CSNK1G2: variants seen among roughly 807,000 people sequenced by gnomAD.
The protein encoded by CSNK1G2 is casein kinase 1 gamma 2, also known as casein kinase I isoform gamma-2.
CSNK1G2 carries 11 observed loss-of-function variants against 48.0 expected under a neutral mutation model. That is an observed-to-expected ratio of 0.23 (90% confidence interval 0.14 to 0.38). The LOEUF is 0.38. Ranked by LOEUF, CSNK1G2 falls within the 10% of genes least tolerant of loss-of-function variation. CSNK1G2 has a pLI of 1.00. For missense variants in CSNK1G2, 446 were observed against 595.5 expected (o/e 0.75, Z 2.61); for synonymous variants, 337 against 254.1 (o/e 1.33, Z -3.10).
intron 1 of CSNK1G2, among the ~76,000 whole-genome samples, chr19:1,955,513 AGGGTGAGGCTCCGCG>A (rs2014956826): frequency 6.8e-6 from 1 of 146,736 alleles, no homozygotes; most frequent in African/African-American, 2.7e-5. Context: ...GGCGTGTGCC[AGGGTGAGGCTCCGCG>A]GGGTGGGCGT....
chr19:1,953,525 G>T (rs766902295), intron 1 of CSNK1G2: 1 of 529,076 alleles, frequency 1.9e-6, no homozygotes, highest in Non-Finnish European at 3.9e-6. Context: ...TGGGAAAATT[G>T]CCCCTATGTG....
At chr19:1,965,411 A>G (rs2015336631) in intron 1 of CSNK1G2, among the ~76,000 whole-genome samples, 1 of 151,214 alleles carries the variant, frequency 6.6e-6, no homozygotes, top group African/African-American at 2.4e-5. Flanking sequence ...CATTGTTTCC[A>G]TCCCTGCTAG....
Position 1,943,724 on chromosome 19 carries a change from A to G in CSNK1G2, c.-266+2306A>G, listed in dbSNP as rs144692614. 5.7e-3 allele frequency among the ~76,000 whole-genome samples: 872 copies of G among 152,300 alleles called. 4 individuals carry two copies. Among genetic ancestry groups the G allele is most frequent in the Middle Eastern group, 0.031 (9 of 294 alleles). ...TCCGCAGAGCCACTGGGACGGACGG[A>G]AGCTGAGCTTAGGGACAGCCGGAGT... On this transcript the variant is annotated intron_variant, in intron 1 of 11. Coordinates refer to ENST00000255641, the MANE Select transcript of CSNK1G2 (RefSeq NM_001319.7).
intron 1 of CSNK1G2, among the ~76,000 whole-genome samples, chr19:1,950,217 G>T (rs927000024): frequency 2.6e-5 from 4 of 152,106 alleles, no homozygotes; most frequent in Non-Finnish European, 5.9e-5. Context: ...TCTGCTCACT[G>T]CAAGCTCTGC....
Position 1,979,955 on chromosome 19 carries a change from G to A in CSNK1G2, c.1131G>A (p.Thr377=), listed in dbSNP as rs1355676500. ...TNGELNADDP[T]AGHSNAPITA... ...GGGAGCTGAATGCGGACGACCCCAC[G>A]GCCGGCCACTCCAACGCCCCGATCA... The change falls in exon 11 of 12, where the codon ACG becomes ACA. Residue 377 remains threonine, a synonymous_variant. Coordinates refer to ENST00000255641, the MANE Select transcript of CSNK1G2 (RefSeq NM_001319.7). 3.8e-6 allele frequency: 6 copies of A among 1,598,116 alleles called. No individual in the cohort carries two copies. The highest frequency in any genetic ancestry group is 3.4e-5 in the Admixed American group (2 of 58,578).
intron 1 of CSNK1G2, among the ~76,000 whole-genome samples, chr19:1,949,421 G>A (rs115324356): frequency 0.013 from 2,053 of 152,360 alleles, 13 homozygotes; most frequent in Middle Eastern, 0.027. Flanking sequence ...TGTGTTTGGC[G>A]TCTCTCACTG....
At chr19:1,948,786 G>A (rs1269272285) in intron 1 of CSNK1G2, among the ~76,000 whole-genome samples, 1 of 152,188 alleles carries the variant, frequency 6.6e-6, no homozygotes, top group Non-Finnish European at 1.5e-5. Flanking sequence ...TCCTCCAGAT[G>A]CCGCTGCCGA....
Position 1,979,206 on chromosome 19 carries a change from C to T in CSNK1G2, c.726C>T (p.Phe242=). 1 of 1,546,324 alleles carries T rather than the reference C, an allele frequency of 6.5e-7. No individual in the cohort carries two copies. The highest frequency in any genetic ancestry group is 1.2e-5 in the South Asian group (1 of 83,760). The stretch of plus-strand genomic sequence containing the variant: ...ACCTGGAGGCGCTGGGCCACATGTT[C>T]ATGTACTTCCTGCGCGGCAGCCTCC... ...RDDLEALGHM[F]MYFLRGSLPW... Residue 242 remains phenylalanine, a synonymous_variant, in exon 7 of 12, where the codon TTC becomes TTT. Coordinates refer to ENST00000255641, the MANE Select transcript of CSNK1G2 (RefSeq NM_001319.7).
rs1286821805 is a variant in CSNK1G2, at chr19:1,980,928, G to C, written c.*725G>C. 1.3e-5 allele frequency: 2 copies of C among 152,368 alleles called. No homozygotes were observed. Among genetic ancestry groups the C allele is most frequent in the Non-Finnish European group, 2.9e-5 (2 of 68,128 alleles). 9.4% of individuals were successfully genotyped at this position (152,368 alleles called of 1,614,324 possible). A position where few individuals can be genotyped will look rare whatever the true frequency, so the allele number is the denominator to read the frequency against. On this transcript the variant is annotated 3_prime_UTR_variant, in exon 12 of 12. Coordinates refer to ENST00000255641, the MANE Select transcript of CSNK1G2 (RefSeq NM_001319.7). Reference sequence around the variant, plus strand: ...GTGCTTCTCGACGCACTTGCTCCCGGAGGCTGCGCCCCGGCGCCTGGAACC... The same window carrying C: ...GTGCTTCTCGACGCACTTGCTCCCGCAGGCTGCGCCCCGGCGCCTGGAACC...
In CSNK1G2 at chr19:1,978,445, C is replaced by G. The variant is rs1224658800; in HGVS notation, c.232C>G (p.Pro78Ala). Reference sequence around the variant, plus strand: ...TGACTCGCTCTTGTGCCCCCAGGAGCCGATCAAGTCCCGGGCCCCGCAGCT... The same window carrying G: ...TGACTCGCTCTTGTGCCCCCAGGAGGCGATCAAGTCCCGGGCCCCGCAGCT... ...TNEYVAIKLE[P>A]IKSRAPQLHL... Residue 78 changes from proline to alanine, a missense_variant, in exon 4 of 12, where the codon CCG becomes GCG. Physicochemically the swap from Pro to Ala is conservative, Grantham distance 27. This residue lies in a region of CSNK1G2 where 258 missense variants were observed against 415.9 expected (regional missense o/e 0.62). Coordinates refer to ENST00000255641, the MANE Select transcript of CSNK1G2 (RefSeq NM_001319.7). This position sits in a 1 kb window ranked among gnomAD's most constrained non-coding sequence, Gnocchi z 7.3. The G allele has an allele frequency of 6.2e-7, 1 of 1,609,880 alleles. No individual in the cohort carries two copies. The highest frequency in any genetic ancestry group is 8.5e-7 in the Non-Finnish European group (1 of 1,178,706).
At chr19:1,970,869 C>T (rs532425670) in intron 2 of CSNK1G2, among the ~76,000 whole-genome samples, 30 of 152,262 alleles carry the variant, frequency 2.0e-4, no homozygotes, top group African/African-American at 5.8e-4. Context: ...ATCGGCCTCA[C>T]GTGGGCACCC....
At chr19:1,977,095 C>G (rs1185382800) in intron 2 of CSNK1G2, among the ~76,000 whole-genome samples, 13 of 152,240 alleles carry the variant, frequency 8.5e-5, no homozygotes, top group African/African-American at 2.9e-4. Context: ...GACTGCAGAC[C>G]CAACACGGTG....
intron 1 of CSNK1G2, among the ~76,000 whole-genome samples, chr19:1,965,223 A>G (rs1371033598): frequency 6.7e-6 from 1 of 150,160 alleles, no homozygotes; most frequent in African/African-American, 2.4e-5. Flanking sequence ...CTCTACTAAA[A>G]ATACAAAAAA....
chr19:1,979,803 C>T lies in CSNK1G2; in HGVS notation c.1054C>T (p.Arg352Trp), dbSNP rs753591033. The T allele has an allele frequency of 1.2e-6, 2 of 1,607,206 alleles. No homozygotes were observed. Among genetic ancestry groups the T allele is most frequent in the Non-Finnish European group, 1.7e-6 (2 of 1,178,274 alleles). The change falls in exon 10 of 12, where the codon CGG becomes TGG. Residue 352 changes from arginine to tryptophan, a missense_variant. Physicochemically the swap from Arg to Trp is moderately radical, Grantham distance 101. This residue lies in a region of CSNK1G2 where 188 missense variants were observed against 179.6 expected (regional missense o/e 1.05). Transcript: ENST00000255641. ...CGACCTGCCCTCCCAGCCTCAGCTCCGGGACAAAACCCAGCCGCACAGCAA... is the reference window on the plus strand; with the variant it reads ...CGACCTGCCCTCCCAGCCTCAGCTCTGGGACAAAACCCAGCCGCACAGCAA... Reference protein sequence around the residue: ...HTDLPSQPQLRDKTQPHSKNQ... With the variant: ...HTDLPSQPQLWDKTQPHSKNQ...
At position 1,980,801 on chromosome 19, in the gene CSNK1G2, C is replaced by G. The variant is rs964653525; in HGVS notation, c.*598C>G. 2 of 152,846 alleles carry G rather than the reference C, an allele frequency of 1.3e-5. No homozygotes were observed. Among genetic ancestry groups the G allele is most frequent in the Non-Finnish European group, 2.9e-5 (2 of 68,416 alleles). 9.5% of individuals were successfully genotyped at this position (152,846 alleles called of 1,614,324 possible). On this transcript the variant is annotated 3_prime_UTR_variant, in exon 12 of 12. Coordinates refer to ENST00000255641, the MANE Select transcript of CSNK1G2 (RefSeq NM_001319.7). Reference sequence around the variant, plus strand: ...TGGGGCCGTGGCTGAAGCCGGCTCCCCAACCAAAATGCTGCACCAAAGCTC... The same window carrying G: ...TGGGGCCGTGGCTGAAGCCGGCTCCGCAACCAAAATGCTGCACCAAAGCTC...
At chr19:1,946,289 T>TATTTATTTATTTATTTATTA in intron 1 of CSNK1G2, among the ~76,000 whole-genome samples, 1 of 143,806 alleles carries the variant, frequency 7.0e-6, no homozygotes, top group African/African-American at 2.5e-5. Context: ...TTTATTTATT[T>TATTTATTTATTTATTTATTA]TTTATTTATT....
intron 1 of CSNK1G2, among the ~76,000 whole-genome samples, chr19:1,962,879 G>A (rs914521666): frequency 2.0e-5 from 3 of 152,188 alleles, no homozygotes; most frequent in African/African-American, 4.8e-5. Context: ...AAGCCCGTGC[G>A]CAGACGCCGC....
chr19:1,970,771 G>GCA (rs1680261641), intron 2 of CSNK1G2, among the ~76,000 whole-genome samples: 1 of 152,228 alleles, frequency 6.6e-6, no homozygotes, highest in South Asian at 2.1e-4. Flanking sequence ...GAACCCAGGT[G>GCA]CACCCCCAGT....
intron 1 of CSNK1G2, chr19:1,953,150 G>A (rs1263611280): frequency 1.4e-5 from 5 of 369,356 alleles, no homozygotes; most frequent in African/African-American, 2.2e-5. Flanking sequence ...GGTCCCACTC[G>A]CCCCCGGGAC....
Sources: gnomAD v4.1 joint callset for allele counts (sites outside exome capture counted in the v4.1 genomes callset) on GRCh38, gnomAD v4.1.1 for gene constraint, gnomAD v4.1.1 regional missense constraint, Gnocchi (gnomAD v3.1) non-coding constraint, MANE v1.5 for transcripts, NCBI Gene and HGNC (gene_info 2026-07-23, HGNC 2026-07-21) for gene names.